Variants in ULK4 observed in about 807,000 individuals in gnomAD.
The protein encoded by ULK4 is inactive serine/threonine-protein kinase ULK4.
ULK4 carries 133 observed loss-of-function variants against 160.6 expected under a neutral mutation model. The ratio of observed to expected loss-of-function variants is 0.83; its 90% CI spans 0.72 to 0.96. The LOEUF (loss-of-function observed/expected upper bound fraction) is 0.96, where lower values mean the gene tolerates loss of function less well. Ranked by LOEUF, ULK4 falls within the 40% of genes least tolerant of loss-of-function variation. The pLI is 0.00. For synonymous variants in ULK4, 534 were observed against 539.8 expected (o/e 0.99, Z 0.15); for missense variants, 1,580 against 1,499.5 (o/e 1.05, Z -0.89).
chr3:41,496,149 C>G (rs1408097822), intron 32 of ULK4, among the ~76,000 whole-genome samples: 1 of 151,834 alleles, frequency 6.6e-6, no homozygotes. Context: ...GACAAACCAA[C>G]AAGAAAACAC....
At chr3:41,517,904 C>T (rs896760215) in intron 32 of ULK4, among the ~76,000 whole-genome samples, 5 of 152,128 alleles carry the variant, frequency 3.3e-5, no homozygotes, top group Admixed American at 6.6e-5. Flanking sequence ...TGGCAAAAAC[C>T]GCAATTACAT....
chr3:41,760,377 C>T (rs1247957616), intron 21 of ULK4, among the ~76,000 whole-genome samples: 2 of 152,148 alleles, frequency 1.3e-5, no homozygotes, highest in African/African-American at 2.4e-5. Context: ...ATGTTCAATA[C>T]ATACCTATCA....
intron 34 of ULK4, among the ~76,000 whole-genome samples, chr3:41,443,431 A>G (rs2083217865): frequency 6.6e-6 from 1 of 152,220 alleles, no homozygotes; most frequent in South Asian, 2.1e-4. Context: ...GCATAAAATA[A>G]ATAATGGATG....
intron 35 of ULK4, among the ~76,000 whole-genome samples, chr3:41,328,625 G>A (rs2080382340): frequency 6.6e-6 from 1 of 152,152 alleles, no homozygotes; most frequent in South Asian, 2.1e-4. Flanking sequence ...TTCGTAGAAG[G>A]CAATATATGT....
chr3:41,605,215 C>T (rs2032317993), intron 31 of ULK4, among the ~76,000 whole-genome samples: 1 of 150,318 alleles, frequency 6.7e-6, no homozygotes, highest in Non-Finnish European at 1.5e-5. Flanking sequence ...AGAAAAACAA[C>T]AGAAGGTACA....
chr3:41,627,474 AGCCCC>A (rs2125698931), intron 30 of ULK4, among the ~76,000 whole-genome samples: 1 of 152,328 alleles, frequency 6.6e-6, no homozygotes, highest in South Asian at 2.1e-4. Flanking sequence ...ACTGTCTTTG[AGCCCC>A]CATCCGGCAA....
At chr3:41,551,344 T>C (rs936817345) in intron 32 of ULK4, among the ~76,000 whole-genome samples, 3 of 151,696 alleles carry the variant, frequency 2.0e-5, no homozygotes, top group Admixed American at 1.3e-4. Context: ...AGGAAAAGTT[T>C]GGTTTTTTTG....
intron 32 of ULK4, among the ~76,000 whole-genome samples, chr3:41,510,554 A>G (rs976865569): frequency 3.9e-5 from 6 of 152,212 alleles, no homozygotes; most frequent in African/African-American, 7.2e-5. Context: ...TACATGGAAC[A>G]TTCTCCAAGA....
At chr3:41,843,996 T>A (rs1179121509) in intron 17 of ULK4, among the ~76,000 whole-genome samples, 1 of 152,120 alleles carries the variant, frequency 6.6e-6, no homozygotes, top group Non-Finnish European at 1.5e-5. Context: ...ATTGGTGCAT[T>A]CACAAACCCT....
chr3:41,401,784 A>C (rs962759586), intron 34 of ULK4, among the ~76,000 whole-genome samples: 2 of 152,200 alleles, frequency 1.3e-5, no homozygotes, highest in African/African-American at 4.8e-5. Context: ...TACATTTGGC[A>C]TACAGACTGT....
intron 35 of ULK4, among the ~76,000 whole-genome samples, chr3:41,251,544 C>G (rs535232378): frequency 6.6e-6 from 1 of 152,258 alleles, no homozygotes; most frequent in African/African-American, 2.4e-5. Context: ...TGCAACAAAC[C>G]CAAACCCCAA....
intron 14 of ULK4, 40 bp downstream of exon 14, chr3:41,898,392 C>T: frequency 8.0e-7 from 1 of 1,242,898 alleles, no homozygotes; most frequent in East Asian, 2.4e-5. Context: ...TATCTGTATA[C>T]AAAGAGTCTA....
At chr3:41,406,427 C>G (rs2082295628) in intron 34 of ULK4, among the ~76,000 whole-genome samples, 1 of 152,124 alleles carries the variant, frequency 6.6e-6, no homozygotes, top group Non-Finnish European at 1.5e-5. Flanking sequence ...GTTCATTTTG[C>G]TTAGAATTGC....
At chr3:41,299,834 A>G (rs925284133) in intron 35 of ULK4, among the ~76,000 whole-genome samples, 3 of 152,234 alleles carry the variant, frequency 2.0e-5, no homozygotes, top group East Asian at 3.8e-4. Context: ...GGAATACAGT[A>G]TAGTTTACCT....
chr3:41,600,463 G>A (rs762074536), intron 31 of ULK4, among the ~76,000 whole-genome samples: 197 of 152,274 alleles, frequency 1.3e-3, no homozygotes, highest in Non-Finnish European at 2.3e-3. Context: ...ACCAATGGGA[G>A]TTCACTCTGA....
chr3:41,639,806 T>A (rs2125714157), intron 30 of ULK4, among the ~76,000 whole-genome samples: 1 of 152,368 alleles, frequency 6.6e-6, no homozygotes, highest in African/African-American at 2.4e-5. Context: ...GTCATTTTTA[T>A]ACATTATTTA....
intron 17 of ULK4, among the ~76,000 whole-genome samples, chr3:41,872,077 G>GTC (rs1453604546): frequency 6.6e-6 from 1 of 152,148 alleles, no homozygotes; most frequent in Non-Finnish European, 1.5e-5. Flanking sequence ...GTTAGTACCA[G>GTC]TCTTTTCTTG....
chr3:41,729,407 T>C (rs939537278), intron 22 of ULK4, among the ~76,000 whole-genome samples: 6 of 152,184 alleles, frequency 3.9e-5, no homozygotes, highest in African/African-American at 1.4e-4. Flanking sequence ...GCCGACATTG[T>C]GTCCTATTTT....
At chr3:41,898,344 T>C (rs890732754) in intron 14 of ULK4, 88 bp downstream of exon 14, 10 of 791,614 alleles carry the variant, frequency 1.3e-5, no homozygotes, top group African/African-American at 5.3e-5. Context: ...AATTTAGTTA[T>C]TCACATATAT....
Sources: allele counts gnomAD v4.1 joint callset (sites outside exome capture counted in the v4.1 genomes callset), GRCh38; gene constraint gnomAD v4.1.1; transcripts MANE v1.5; gene names NCBI Gene and HGNC (gene_info 2026-07-23, HGNC 2026-07-21).